DMD: variants seen among roughly 807,000 people sequenced by gnomAD.
DMD encodes the protein dystrophin, also known as mutant dystrophin.
In DMD, 63 loss-of-function variants were observed where a neutral mutation model predicts 330.1. That is an observed-to-expected ratio of 0.19 (90% confidence interval 0.16 to 0.24). The LOEUF is 0.24. Ranked by LOEUF, DMD falls within the 10% of genes least tolerant of loss-of-function variation. DMD has a pLI of 1.00. For missense variants in DMD, 3,344 were observed against 2,684.1 expected (o/e 1.25, Z -5.43); for synonymous variants, 1,223 against 959.8 (o/e 1.27, Z -5.07).
intron 44 of DMD, among the ~76,000 whole-genome samples, chrX:32,058,566 T>TAAAAAA (rs34845512): frequency 1.4e-5 from 1 of 72,284 alleles, no homozygotes; most frequent in Non-Finnish European, 2.7e-5. Flanking sequence ...TAACCATTAT[T>TAAAAAA]AAAAAAAAAA....
chrX:31,982,832 A>G (rs1433109471), intron 44 of DMD, among the ~76,000 whole-genome samples: 1 of 108,517 alleles, frequency 9.2e-6, no homozygotes, highest in Non-Finnish European at 1.9e-5. Context: ...CCATATTTGC[A>G]TTAGTACATA....
intron 44 of DMD, among the ~76,000 whole-genome samples, chrX:32,032,676 C>A (rs907379142): frequency 2.1e-4 from 24 of 111,813 alleles, no homozygotes; most frequent in African/African-American, 7.8e-4. Context: ...GCCCTTGGGC[C>A]CCATGCTTTC....
chrX:32,410,279 C>T (rs2098136326), intron 30 of DMD, among the ~76,000 whole-genome samples: 1 of 111,240 alleles, frequency 9.0e-6, no homozygotes, highest in Non-Finnish European at 1.9e-5. Context: ...CAGGATTCTC[C>T]CCAAAATTCT....
At chrX:32,336,207 A>G (rs1048958711) in intron 41 of DMD, among the ~76,000 whole-genome samples, 4 of 110,520 alleles carry the variant, frequency 3.6e-5, no homozygotes, top group Admixed American at 9.7e-5. Context: ...TATATACATG[A>G]CATGTTATAT....
At chrX:32,132,114 G>T (rs1053919115) in intron 44 of DMD, among the ~76,000 whole-genome samples, 1 of 111,641 alleles carries the variant, frequency 9.0e-6, no homozygotes, top group Non-Finnish European at 1.9e-5. Flanking sequence ...ATAGGTGAAT[G>T]ATGAATATTA....
At chrX:32,021,184 T>C (rs1485235371) in intron 44 of DMD, among the ~76,000 whole-genome samples, 5 of 112,230 alleles carry the variant, frequency 4.5e-5, no homozygotes, top group Admixed American at 3.8e-4. Flanking sequence ...ATGTAAAATA[T>C]ATACATTGTG....
intron 77 of DMD, among the ~76,000 whole-genome samples, chrX:31,128,097 T>C (rs1361388976): frequency 8.9e-6 from 1 of 112,044 alleles, no homozygotes; most frequent in Non-Finnish European, 1.9e-5. Context: ...AACATCATTC[T>C]TTCCTTGATG....
intron 37 of DMD, among the ~76,000 whole-genome samples, chrX:32,354,955 G>C (rs956190862): frequency 9.0e-6 from 1 of 111,479 alleles, no homozygotes; most frequent in Middle Eastern, 4.6e-3. Context: ...TGAATTAAAA[G>C]AGGAAAACAT....
At chrX:31,462,580 T>C (rs2066601343) in intron 59 of DMD, among the ~76,000 whole-genome samples, 1 of 112,006 alleles carries the variant, frequency 8.9e-6, no homozygotes, top group South Asian at 3.7e-4. Flanking sequence ...TGAAATGGCA[T>C]ACTTGCTGGG....
chrX:31,795,026 T>C (rs1281618317), intron 50 of DMD, among the ~76,000 whole-genome samples: 4 of 112,152 alleles, frequency 3.6e-5, no homozygotes, highest in African/African-American at 1.3e-4. Context: ...GGGCCCAGTG[T>C]CACCCCAATG....
chrX:31,520,551 C>T (rs2072646032), intron 55 of DMD, among the ~76,000 whole-genome samples: 2 of 111,873 alleles, frequency 1.8e-5, no homozygotes, highest in Middle Eastern at 4.6e-3. Flanking sequence ...AACTAATATA[C>T]ATCGTGTATC....
chrX:33,333,406 G>T (rs1319082197), intron 1 of DMD, among the ~76,000 whole-genome samples: 2 of 110,903 alleles, frequency 1.8e-5, no homozygotes, highest in African/African-American at 6.5e-5. Context: ...CTCCCTCATT[G>T]CTCCATATTC....
At chrX:31,637,022 T>C (rs1271274101) in intron 54 of DMD, among the ~76,000 whole-genome samples, 2 of 112,303 alleles carry the variant, frequency 1.8e-5, no homozygotes, top group Non-Finnish European at 3.8e-5. Flanking sequence ...TTTTGGGATA[T>C]CTTTTACATA....
chrX:32,631,375 G>A (rs748184649), intron 11 of DMD, among the ~76,000 whole-genome samples: 2 of 111,535 alleles, frequency 1.8e-5, no homozygotes, highest in Non-Finnish European at 3.8e-5. Context: ...CTCTACAATC[G>A]GCAGGTGGCA....
chrX:32,512,031 T>C (rs2045395698), intron 18 of DMD, among the ~76,000 whole-genome samples: 1 of 111,599 alleles, frequency 9.0e-6, no homozygotes, highest in Admixed American at 9.5e-5. Flanking sequence ...TTAGAGATCA[T>C]GAAGAATTAT....
rs747615494 is a variant in DMD at position 31,667,445 on chromosome X, C to T, written c.7873-9301G>A. ...ATTTTTATTTCTGTTCAGCATACAC[C>T]TGGGAGTAGAATGGTTTTGTCATAT... On this transcript the variant is annotated intron_variant, in intron 53 of 78. Coordinates refer to ENST00000357033, the MANE Select transcript of DMD (RefSeq NM_004006.3). 8.2e-5 allele frequency among the ~76,000 whole-genome samples: 9 copies of T among 110,403 alleles called. No homozygotes were observed. In the Admixed American group the frequency reaches 8.8e-4, roughly 11 times the overall value.
chrX:32,364,833 T>C, intron 35 of DMD, 123 bp from the exon 36 acceptor site: 1 of 808,701 alleles, frequency 1.2e-6, no homozygotes, highest in East Asian at 3.4e-5. Context: ...TTTTAAGTGG[T>C]ATTTTCATAT....
chrX:32,072,393 T>C lies in DMD; in HGVS notation c.6439-103879A>G, dbSNP rs144677193. 7.3e-3 allele frequency among the ~76,000 whole-genome samples: 807 copies of C among 110,049 alleles called. 12 individuals carry two copies. Among genetic ancestry groups the C allele is most frequent in the African/African-American group, 0.026 (774 of 30,212 alleles). ...AACTATATAGTGAACAAAGATTTTTTATTTAACCTTTTCAAAAATAATATC... is the reference window on the plus strand; with the variant it reads ...AACTATATAGTGAACAAAGATTTTTCATTTAACCTTTTCAAAAATAATATC... On this transcript the variant is annotated intron_variant, in intron 44 of 78. Transcript: ENST00000357033.
intron 62 of DMD, among the ~76,000 whole-genome samples, chrX:31,296,243 T>C (rs1172067024): frequency 1.8e-5 from 2 of 111,722 alleles, no homozygotes; most frequent in Non-Finnish European, 3.8e-5. Flanking sequence ...ATGATTGCTC[T>C]ATAATTGAAT....
Sources: gnomAD v4.1 joint callset for allele counts (sites outside exome capture counted in the v4.1 genomes callset) on GRCh38, gnomAD v4.1.1 for gene constraint, MANE v1.5 for transcripts, NCBI Gene and HGNC (gene_info 2026-07-23, HGNC 2026-07-21) for gene names.